Variants in PCDHGA3 observed in about 807,000 individuals in gnomAD.
The protein encoded by PCDHGA3 is protocadherin gamma-A3.
In PCDHGA3, 40 loss-of-function variants were observed where a neutral mutation model predicts 58.5. That is an observed-to-expected ratio of 0.68 (90% CI 0.53 to 0.89). The LOEUF (loss-of-function observed/expected upper bound fraction) is 0.89, where lower values mean the gene tolerates loss of function less well. Ranked by LOEUF, PCDHGA3 falls within the 40% of genes least tolerant of loss-of-function variation. The pLI is 0.00. For missense variants in PCDHGA3, 1,223 were observed against 1,195.9 expected (o/e 1.02, Z -0.33); for synonymous variants, 530 against 525.7 (o/e 1.01, Z -0.11).
rs61612330 is a variant in PCDHGA3, at chr5:141,454,796, A to ATTTTTTTTTTTTTTT, written c.2425-39996_2425-39982dup. 1.0e-3 allele frequency among the ~76,000 whole-genome samples: 80 copies of ATTTTTTTTTTTTTTT among 77,456 alleles called. 10 individuals are homozygous for ATTTTTTTTTTTTTTT. The highest frequency in any genetic ancestry group is 2.0e-3 in the East Asian group (5 of 2,512). The allele number at this position is 77,456 out of a possible 152,430, so 50.8% of individuals were successfully genotyped here. A position where few individuals can be genotyped will look rare whatever the true frequency, so the allele number is the denominator to read the frequency against. On this transcript the variant is annotated intron_variant, in intron 1 of 3. Transcript: ENST00000253812. ...AAGGAAATAATCCTCCATGGTTCTA[A>ATTTTTTTTTTTTTTT]TTTTTTTTTTTTTTTTTTTTTTTTT...
intron 1 of PCDHGA3, chr5:141,398,307 G>A (rs1447377921): frequency 1.5e-6 from 2 of 1,359,764 alleles, no homozygotes; most frequent in South Asian, 1.3e-5. Flanking sequence ...GCGTCCAGGA[G>A]TTACCGACTC....
chr5:141,351,741 CGCGGGA>C, intron 1 of PCDHGA3: 1 of 1,613,684 alleles, frequency 6.2e-7, no homozygotes, highest in East Asian at 2.2e-5. Context: ...GACCTGGAGC[CGCGGGA>C]GCTGTTGTCC....
In PCDHGA3 at chr5:141,490,949, A is replaced by G. The variant is rs2074912; in HGVS notation, c.2425-3858A>G. On this transcript the variant is annotated intron_variant, in intron 1 of 3. Coordinates refer to ENST00000253812, the MANE Select transcript of PCDHGA3 (RefSeq NM_018916.4). The surrounding 1 kb of genome is among the most constrained non-coding windows in gnomAD (Gnocchi z 5.4). ...CCAGCTGTGCTGCACCCACGGCCAG[A>G]CTGGGAACACTCAGCCCCCCAGCGT... 0.21 allele frequency: 331,850 copies of G among 1,613,352 alleles called. 36,311 individuals carry two copies. The highest frequency in any genetic ancestry group is 0.37 in the Admixed American group (22,349 of 59,972).
intron 1 of PCDHGA3, chr5:141,423,436 C>A (rs2096740667): frequency 6.2e-7 from 1 of 1,613,782 alleles, no homozygotes; most frequent in Non-Finnish European, 8.5e-7. Context: ...GGCAGGTATG[C>A]CCACGTCACA....
chr5:141,371,426 C>G, intron 1 of PCDHGA3: 1 of 1,613,892 alleles, frequency 6.2e-7, no homozygotes, highest in Non-Finnish European at 8.5e-7. Flanking sequence ...ATGACAATGC[C>G]CCGGAGATAA....
At chr5:141,356,209 G>A in intron 1 of PCDHGA3, 1 of 1,605,328 alleles carries the variant, frequency 6.2e-7, no homozygotes, top group Non-Finnish European at 8.5e-7. Flanking sequence ...ACTGGTGACA[G>A]TTCTGGATGA....
intron 1 of PCDHGA3, among the ~76,000 whole-genome samples, chr5:141,456,946 G>A (rs182320066): frequency 2.3e-4 from 35 of 152,284 alleles, no homozygotes; most frequent in Admixed American, 2.3e-3. Context: ...CTGGGCAACA[G>A]AGCAAAACTC....
intron 1 of PCDHGA3, chr5:141,400,116 C>G (rs2093964416): frequency 6.2e-7 from 1 of 1,614,086 alleles, no homozygotes; most frequent in African/African-American, 1.3e-5. Context: ...TTGCTGACAG[C>G]TTGCAGGAGG....
chr5:141,387,276 GAAAGAAAGATA>G (rs2090886505), intron 1 of PCDHGA3, among the ~76,000 whole-genome samples: 1 of 152,142 alleles, frequency 6.6e-6, no homozygotes, highest in Non-Finnish European at 1.5e-5. Context: ...TAGGAACAAT[GAAAGAAAGATA>G]AAATGTATCC....
chr5:141,371,360 G>A (rs1337014125), intron 1 of PCDHGA3: 2 of 1,613,842 alleles, frequency 1.2e-6, no homozygotes, highest in Admixed American at 1.7e-5. Context: ...TGGAAGCAAA[G>A]GATGGTGGAC....
At chr5:141,413,812 C>T in intron 1 of PCDHGA3, 2 of 1,613,144 alleles carry the variant, frequency 1.2e-6, no homozygotes, top group Non-Finnish European at 1.7e-6. Flanking sequence ...GGCCATTCAC[C>T]ACCTGGTCCT....
rs1757738050 is a variant in PCDHGA3 at position 141,346,347 on chromosome 5, C to T, written c.2314C>T (p.Gln772Ter). The change falls in exon 1 of 4, where the codon CAG (glutamine) becomes TAG (stop). Residue 772 changes from glutamine (Q) to a stop codon, truncating the protein, a stop_gained. Coordinates refer to ENST00000253812, the MANE Select transcript of PCDHGA3 (RefSeq NM_018916.4). LOFTEE classifies it high-confidence loss of function. Reference sequence around the variant, plus strand: ...GCGGAAGAGCCACCTGATTTTCCCCCAGCCCAACTATGCGGACACGCTCAT... The same window carrying T: ...GCGGAAGAGCCACCTGATTTTCCCCTAGCCCAACTATGCGGACACGCTCAT... ...DSRKSHLIFP[Q>*]PNYADTLISQ... 6.2e-7 allele frequency: 1 copy of T among 1,614,138 alleles called. No individual in the cohort carries two copies. Among genetic ancestry groups the T allele is most frequent in the Admixed American group, 1.7e-5 (1 of 60,016 alleles).
At chr5:141,419,276 CAA>C in intron 1 of PCDHGA3, 4 of 1,614,038 alleles carry the variant, frequency 2.5e-6, no homozygotes, top group Non-Finnish European at 3.4e-6. Flanking sequence ...CTCCATAGCG[CAA>C]GTCAGTGCCT....
At chr5:141,488,183 T>C (rs1249953031) in intron 1 of PCDHGA3, among the ~76,000 whole-genome samples, 1 of 152,148 alleles carries the variant, frequency 6.6e-6, no homozygotes, top group Non-Finnish European at 1.5e-5. Flanking sequence ...CATAGATCTT[T>C]TGGTCTGGGT....
chr5:141,476,554 G>A lies in PCDHGA3; in HGVS notation c.2425-18253G>A. On this transcript the variant is annotated intron_variant, in intron 1 of 3. Transcript: ENST00000253812. This position sits in a 1 kb window ranked among gnomAD's most constrained non-coding sequence, Gnocchi z 7.6. The stretch of plus-strand genomic sequence containing the variant: ...AGGAAATGAAATTGGAGATTAGCGA[G>A]GCCGTGGCTCCGGGGACGCGCTTTC... 1 of 1,614,232 alleles carries A rather than the reference G, an allele frequency of 6.2e-7. No individual in the cohort carries two copies. Among genetic ancestry groups the A allele is most frequent in the Non-Finnish European group, 8.5e-7 (1 of 1,180,036 alleles).
chr5:141,366,286 C>G, intron 1 of PCDHGA3: 1 of 1,613,720 alleles, frequency 6.2e-7, no homozygotes, highest in South Asian at 1.1e-5. Flanking sequence ...ATGGCCAGCC[C>G]CCTCTGTCAG....
intron 1 of PCDHGA3, chr5:141,440,761 C>T (rs2098198732): frequency 6.6e-6 from 1 of 152,172 alleles, no homozygotes; most frequent in African/African-American, 2.4e-5. Context: ...GCAGAGCTCC[C>T]ATCCCTTAGT....
chr5:141,372,309 C>T lies in PCDHGA3; in HGVS notation c.2424+25852C>T, dbSNP rs950315336. On this transcript the variant is annotated intron_variant, in intron 1 of 3. Transcript: ENST00000253812. ...TACCTTGGGCGACAGGGAGGCCGCC[C>T]GCCAGCGCCTGCTGGTCACTGTGCG... 2 of 1,613,400 alleles carry T rather than the reference C, an allele frequency of 1.2e-6. No homozygotes were observed. The highest frequency in any genetic ancestry group is 2.2e-5 in the East Asian group (1 of 44,894).
chr5:141,384,787 C>A, intron 1 of PCDHGA3: 2 of 1,613,552 alleles, frequency 1.2e-6, no homozygotes, highest in Admixed American at 3.3e-5. Flanking sequence ...GCGCACGGCT[C>A]GGGCCCTGCT....
Sources: allele counts gnomAD v4.1 joint callset (sites outside exome capture counted in the v4.1 genomes callset), GRCh38; gene constraint gnomAD v4.1.1; non-coding constraint Gnocchi (gnomAD v3.1); transcripts MANE v1.5; gene names NCBI Gene and HGNC (gene_info 2026-07-23, HGNC 2026-07-21).